Variants in TENM4 observed in about 807,000 individuals in gnomAD.
The protein encoded by TENM4 is teneurin transmembrane protein 4, also known as teneurin-4.
A neutral mutation model predicts 243.3 loss-of-function variants in TENM4; 82 were observed. The ratio of observed to expected loss-of-function variants is 0.34; its 90% CI spans 0.28 to 0.40. TENM4 has a LOEUF of 0.40. Among genes scored for constraint, TENM4 ranks in the 10% least tolerant of loss-of-function variants. The probability of loss-of-function intolerance (pLI) is 1.00; values close to 1 mark genes in which losing one functional copy is unlikely to be tolerated. For missense variants in TENM4, 3,138 were observed against 3,673.3 expected (o/e 0.85, Z 3.77); for synonymous variants, 1,412 against 1,456.3 (o/e 0.97, Z 0.69).
At chr11:79,008,098 C>T (rs1306726520) in intron 6 of TENM4, among the ~76,000 whole-genome samples, 1 of 152,174 alleles carries the variant, frequency 6.6e-6, no homozygotes, top group Non-Finnish European at 1.5e-5. Context: ...TCGTTGGAAG[C>T]GCCAAGCTGG....
chr11:78,851,479 T>C (rs1233150999), intron 12 of TENM4, among the ~76,000 whole-genome samples: 2 of 152,230 alleles, frequency 1.3e-5, no homozygotes, highest in African/African-American at 2.4e-5. Context: ...GTATCCTAAT[T>C]AAAAGTGGCT....
chr11:79,117,035 CATCATTATT>C (rs1395215126), intron 4 of TENM4, among the ~76,000 whole-genome samples: 1 of 152,190 alleles, frequency 6.6e-6, no homozygotes, highest in Admixed American at 6.5e-5. Flanking sequence ...CCATCATCAT[CATCATTATT>C]ATCATTTTTA....
intron 3 of TENM4, among the ~76,000 whole-genome samples, chr11:79,201,005 GA>G (rs1334589086): frequency 6.6e-6 from 1 of 152,164 alleles, no homozygotes; most frequent in African/African-American, 2.4e-5. Context: ...TGACATTATT[GA>G]AAAAGTTCGT....
In TENM4 at chr11:79,411,118, G is replaced by T. The variant is rs78898611; in HGVS notation, c.-321+29391C>A. Among the ~76,000 whole-genome samples, 1,351 of 152,294 alleles carry T rather than the reference G, an allele frequency of 8.9e-3. 12 individuals are homozygous for T. Among genetic ancestry groups the T allele is most frequent in the Non-Finnish European group, 0.016 (1,069 of 68,028 alleles). ...CCATTTCACAGATAGGAAAAGTGAG[G>T]CTCAGAGAGGGTAAGTTTAAAGCTT... On this transcript the variant is annotated intron_variant, in intron 1 of 33. Coordinates refer to ENST00000278550, the MANE Select transcript of TENM4 (RefSeq NM_001098816.3).
At chr11:78,878,104 T>C (rs870959) in intron 9 of TENM4, among the ~76,000 whole-genome samples, 77,249 of 152,088 alleles carry the variant, frequency 0.51, 23,638 homozygotes, top group East Asian at 0.78. Flanking sequence ...CTCACTGATA[T>C]ACACTTTCCA....
intron 31 of TENM4, 100 bp from the exon 32 acceptor site, chr11:78,670,651 A>C: frequency 1.7e-6 from 2 of 1,195,820 alleles, no homozygotes; most frequent in South Asian, 2.9e-5. Context: ...ATGTCCAAGG[A>C]GAATCCTGAG....
Position 79,098,281 on chromosome 11 carries a change from C to T in TENM4, c.-65-28272G>A, listed in dbSNP as rs75195722. On this transcript the variant is annotated intron_variant, in intron 4 of 33. Coordinates refer to ENST00000278550, the MANE Select transcript of TENM4 (RefSeq NM_001098816.3). The stretch of plus-strand genomic sequence containing the variant: ...TTTCACAGTTTGATCACATCACTCC[C>T]AGCTCTGCTTATCTCTCCTGGCTTC... 1.1e-3 allele frequency among the ~76,000 whole-genome samples: 171 copies of T among 151,750 alleles called. 1 individual carries two copies. The East Asian group carries it at 0.016, about 15-fold the overall frequency.
intron 3 of TENM4, among the ~76,000 whole-genome samples, chr11:79,203,504 A>G: frequency 6.6e-6 from 1 of 152,220 alleles, no homozygotes; most frequent in East Asian, 1.9e-4. Flanking sequence ...CAAACCCTGT[A>G]TATACTATGC....
At position 78,708,985 on chromosome 11, in the gene TENM4, A is replaced by T. The variant is rs12790272; in HGVS notation, c.4055-470T>A. The stretch of plus-strand genomic sequence containing the variant: ...TTTTTCTTTCTTTTTTTTTTTTTTT[A>T]AAAAAAGAGTCTCGTTCTGTCACCC... On this transcript the variant is annotated intron_variant, in intron 26 of 33. Coordinates refer to ENST00000278550, the MANE Select transcript of TENM4 (RefSeq NM_001098816.3). Among the ~76,000 whole-genome samples the T allele has an allele frequency of 2.1e-3, 191 of 90,528 alleles. 1 individual carries two copies. The highest frequency in any genetic ancestry group is 7.9e-3 in the South Asian group (31 of 3,906). 59.4% of individuals were successfully genotyped at this position (90,528 alleles called of 152,430 possible).
At chr11:79,241,341 G>A (rs922998415) in intron 2 of TENM4, among the ~76,000 whole-genome samples, 2 of 151,962 alleles carry the variant, frequency 1.3e-5, no homozygotes, top group South Asian at 4.2e-4. Context: ...TGGCAAGCAG[G>A]GACGGGCTGG....
In TENM4 at chr11:79,333,869, T is replaced by G. The variant is rs867090585; in HGVS notation, c.-320-36326A>C. The stretch of plus-strand genomic sequence containing the variant: ...TAGCCAGTAAGTCATGGAGCTGAGA[T>G]GTGAGCTCAAGGCTGTCTGGCTCTA... On this transcript the variant is annotated intron_variant, in intron 1 of 33. Coordinates refer to ENST00000278550, the MANE Select transcript of TENM4 (RefSeq NM_001098816.3). 3.3e-5 allele frequency among the ~76,000 whole-genome samples: 5 copies of G among 152,304 alleles called. No individual in the cohort carries two copies. The South Asian group carries it at 8.3e-4, about 25-fold the overall frequency.
intron 2 of TENM4, among the ~76,000 whole-genome samples, chr11:79,287,310 C>G (rs371280689): frequency 1.3e-5 from 2 of 152,142 alleles, no homozygotes; most frequent in South Asian, 2.1e-4. Flanking sequence ...AGGTGAAGTA[C>G]CAGAAAATGA....
intron 2 of TENM4, among the ~76,000 whole-genome samples, chr11:79,280,862 GA>G (rs1856145824): frequency 6.6e-6 from 1 of 152,174 alleles, no homozygotes; most frequent in African/African-American, 2.4e-5. Flanking sequence ...CTCCCTTAGG[GA>G]AGCCCAAACT....
At chr11:79,391,943 G>T (rs555438119) in intron 1 of TENM4, among the ~76,000 whole-genome samples, 60 of 141,986 alleles carry the variant, frequency 4.2e-4, no homozygotes, top group African/African-American at 1.3e-3. Flanking sequence ...ATAGCCAAAT[G>T]ATTTTTTATT....
chr11:79,301,557 C>G (rs1158572254), intron 1 of TENM4, among the ~76,000 whole-genome samples: 1 of 152,214 alleles, frequency 6.6e-6, no homozygotes, highest in Non-Finnish European at 1.5e-5. Context: ...CACAACTGTA[C>G]TTAAGCACTG....
intron 6 of TENM4, among the ~76,000 whole-genome samples, chr11:79,055,625 C>T (rs372647064): frequency 2.4e-4 from 36 of 152,276 alleles, no homozygotes; most frequent in African/African-American, 7.2e-4. Context: ...AAACACTGTC[C>T]TGCTCTTTCA....
At chr11:78,764,288 C>T (rs191965468) in intron 18 of TENM4, among the ~76,000 whole-genome samples, 122 of 152,320 alleles carry the variant, frequency 8.0e-4, no homozygotes, top group Middle Eastern at 3.4e-3. Context: ...GACATCGTAC[C>T]GCTAGTTAAA....
At chr11:78,805,606 G>A (rs1347858302) in intron 14 of TENM4, 114 bp from the exon 15 acceptor site, 2 of 1,256,416 alleles carry the variant, frequency 1.6e-6, no homozygotes, top group Admixed American at 2.1e-5. Flanking sequence ...CTGGCAGAAG[G>A]ATGCATAGGT....
chr11:79,374,142 A>C (rs1857842703), intron 1 of TENM4, among the ~76,000 whole-genome samples: 1 of 152,198 alleles, frequency 6.6e-6, no homozygotes, highest in Non-Finnish European at 1.5e-5. Flanking sequence ...CCAAGATAAA[A>C]TTCAAGACAC....
Sources: allele counts gnomAD v4.1 joint callset (sites outside exome capture counted in the v4.1 genomes callset), GRCh38; gene constraint gnomAD v4.1.1; transcripts MANE v1.5; gene names NCBI Gene and HGNC (gene_info 2026-07-23, HGNC 2026-07-21).